The following BEND7 variants were observed in gnomAD, a reference collection of about 807,000 sequenced individuals.
BEND7 encodes BEN domain-containing protein 7.
BEND7 carries 28 observed loss-of-function variants against 50.9 expected under a neutral mutation model. The ratio of observed to expected loss-of-function variants is 0.55; its 90% CI spans 0.41 to 0.75. BEND7 has a LOEUF of 0.75. Among genes scored for constraint, BEND7 ranks in the 30% least tolerant of loss-of-function variants. BEND7 has a pLI of 0.00. For missense variants in BEND7, 477 were observed against 491.3 expected, an observed-to-expected ratio of 0.97 and a Z score of 0.28; for synonymous variants, 170 against 183.9, an observed-to-expected ratio of 0.92 and a Z score of 0.61.
intron 6 of BEND7, among the ~76,000 whole-genome samples, chr10:13,476,098 CT>C (rs895131582): frequency 4.1e-4 from 62 of 151,394 alleles, no homozygotes; most frequent in African/African-American, 1.1e-3. Context: ...GAGCTATTCA[CT>C]TTTTTTTTAT....
At chr10:13,464,534 C>T (rs2074034960) in intron 6 of BEND7, among the ~76,000 whole-genome samples, 1 of 152,060 alleles carries the variant, frequency 6.6e-6, no homozygotes, top group African/African-American at 2.4e-5. Context: ...CTCCATTACT[C>T]TGGGGCGGGG....
intron 2 of BEND7, among the ~76,000 whole-genome samples, chr10:13,525,408 A>C (rs559948168): frequency 6.6e-6 from 1 of 152,208 alleles, no homozygotes; most frequent in African/African-American, 2.4e-5. Context: ...CACTTGCTGG[A>C]AAGTCTCAGA....
chr10:13,450,099 A>G (rs1033050214), intron 7 of BEND7, among the ~76,000 whole-genome samples: 1 of 152,272 alleles, frequency 6.6e-6, no homozygotes, highest in East Asian at 1.9e-4. Context: ...CACTGGAGCT[A>G]TAGAATAAAA....
At chr10:13,438,495 C>G (rs1042377993), downstream of BEND7, 1 of 151,942 alleles carries the variant, frequency 6.6e-6, no homozygotes. Flanking sequence ...TTTAAACATT[C>G]TTTTTAATTT....
At chr10:13,447,447 C>A in intron 7 of BEND7, 131 bp from the exon 8 acceptor site, 2 of 823,136 alleles carry the variant, frequency 2.4e-6, no homozygotes, top group Admixed American at 2.7e-5. Context: ...CTGTTTTCAG[C>A]TACCGTTGGT....
chr10:13,527,570 C>T (rs1202221587), intron 1 of BEND7, among the ~76,000 whole-genome samples: 2 of 152,054 alleles, frequency 1.3e-5, no homozygotes, highest in Non-Finnish European at 2.9e-5. Flanking sequence ...TGGCTTTGAC[C>T]TCAACTTGAT....
chr10:13,477,921 T>C (rs1321191761), intron 6 of BEND7, among the ~76,000 whole-genome samples: 1 of 152,216 alleles, frequency 6.6e-6, no homozygotes, highest in East Asian at 1.9e-4. Context: ...GGGAAGACTT[T>C]CCTTCTACCC....
At chr10:13,503,244 A>C (rs1371899456) in intron 2 of BEND7, among the ~76,000 whole-genome samples, 3 of 152,200 alleles carry the variant, frequency 2.0e-5, no homozygotes, top group Non-Finnish European at 4.4e-5. Context: ...GTGCAGAAAC[A>C]TGTCTCCCAA....
In BEND7 at chr10:13,464,569, G is replaced by C. The variant is rs773924208; in HGVS notation, c.1064-11911C>G. On this transcript the variant is annotated intron_variant, in intron 6 of 8. Transcript: ENST00000466271. Reference sequence around the variant, plus strand: ...GAAGAGAGAGAATGGAAGGGAGAGGGAACATCTTGATTCTTAGAGAGGGGA... The same window carrying C: ...GAAGAGAGAGAATGGAAGGGAGAGGCAACATCTTGATTCTTAGAGAGGGGA... 3.4e-4 allele frequency among the ~76,000 whole-genome samples: 52 copies of C among 152,064 alleles called. 1 individual carries two copies. Among genetic ancestry groups the C allele is most frequent in the Non-Finnish European group, 6.2e-4 (42 of 68,006 alleles).
chr10:13,502,057 G>T (rs10752307), intron 2 of BEND7, among the ~76,000 whole-genome samples: 3 of 134,228 alleles, frequency 2.2e-5, no homozygotes, highest in Non-Finnish European at 3.4e-5. Flanking sequence ...GTATATATAA[G>T]GATATGTATA....
upstream of BEND7, among the ~76,000 whole-genome samples, chr10:13,529,171 G>C (rs1048255283): frequency 3.4e-5 from 5 of 145,086 alleles, no homozygotes; most frequent in Non-Finnish European, 6.1e-5. Context: ...GCGCCCCGAG[G>C]AGGCGCGGAG....
chr10:13,479,916 C>T (rs10796086), intron 6 of BEND7, among the ~76,000 whole-genome samples: 86,043 of 152,018 alleles, frequency 0.57, 24,660 homozygotes, highest in East Asian at 0.76. Flanking sequence ...TTAAACACTA[C>T]TGAATTCATT....
At chr10:13,496,713 G>A (rs976517796) in intron 4 of BEND7, 53 bp downstream of exon 4, 2 of 1,578,012 alleles carry the variant, frequency 1.3e-6, no homozygotes, top group African/African-American at 2.7e-5. Context: ...AACGGAAGAT[G>A]TCAGATATGC....
rs912244810 is a variant in BEND7 at position 13,528,161 on chromosome 10, G to C, written c.61+312C>G. Among the ~76,000 whole-genome samples, 7 of 152,300 alleles carry C rather than the reference G, an allele frequency of 4.6e-5. No homozygotes were observed. The East Asian group carries it at 1.4e-3, about 29-fold the overall frequency. On this transcript the variant is annotated intron_variant, in intron 1 of 8. Coordinates refer to ENST00000466271, the MANE Select transcript of BEND7 (RefSeq NM_001369863.1). ...CCACGCTCGGCCTGATGGCCAGGCA[G>C]GTCCGCGGCCGCCCCAGCCCTGCCC...
intron 5 of BEND7, among the ~76,000 whole-genome samples, chr10:13,485,300 T>C (rs1242653957): frequency 6.6e-6 from 1 of 152,212 alleles, no homozygotes; most frequent in African/African-American, 2.4e-5. Context: ...AAAAGCTACA[T>C]GTGGTCACTG....
chr10:13,480,300 G>A (rs2075765659), intron 6 of BEND7, among the ~76,000 whole-genome samples: 1 of 152,180 alleles, frequency 6.6e-6, no homozygotes, highest in Non-Finnish European at 1.5e-5. Flanking sequence ...ACAGATGCAT[G>A]CTCAAAGGAG....
chr10:13,501,191 A>G (rs1219682572), intron 2 of BEND7, among the ~76,000 whole-genome samples: 5 of 151,990 alleles, frequency 3.3e-5, no homozygotes, highest in African/African-American at 1.2e-4. Context: ...CCTGACCAAC[A>G]TGGAGAAACC....
At chr10:13,443,741 G>A (rs1368959278) in intron 8 of BEND7, 1 of 152,104 alleles carries the variant, frequency 6.6e-6, no homozygotes, top group Non-Finnish European at 1.5e-5. Context: ...TTAAAATAAT[G>A]CATATGAAGA....
intron 6 of BEND7, among the ~76,000 whole-genome samples, chr10:13,457,205 G>A (rs73588704): frequency 0.015 from 2,277 of 152,240 alleles, 48 homozygotes; most frequent in African/African-American, 0.052. Flanking sequence ...TTAACAAAGT[G>A]GATTTGGACT....
Sources: gnomAD v4.1 joint callset for allele counts (sites outside exome capture counted in the v4.1 genomes callset) on GRCh38, gnomAD v4.1.1 for gene constraint, MANE v1.5 for transcripts, NCBI Gene and HGNC (gene_info 2026-07-23, HGNC 2026-07-21) for gene names.